Variants in SOD2 observed in about 807,000 individuals in gnomAD.
SOD2 encodes the protein superoxide dismutase [Mn], mitochondrial.
In SOD2, 11 loss-of-function variants were observed where a neutral mutation model predicts 27.0. The ratio of observed to expected loss-of-function variants is 0.41; its 90% CI spans 0.26 to 0.67. The LOEUF (loss-of-function observed/expected upper bound fraction) is 0.67. SOD2 is among the 30% of genes least tolerant of loss of function. The probability of loss-of-function intolerance (pLI) is 0.34; values close to 1 mark genes in which losing one functional copy is unlikely to be tolerated. For missense variants in SOD2, 250 were observed against 274.5 expected (o/e 0.91, Z 0.63); for synonymous variants, 105 against 103.0 (o/e 1.02, Z -0.12).
At chr6:159,713,522 A>G (rs1172633302) in intron 1 of SOD2, 9 of 690,472 alleles carry the variant, frequency 1.3e-5, no homozygotes, top group East Asian at 5.0e-5. Flanking sequence ...TGCGAAGCCA[A>G]CTGCACAAAG....
intron 4 of SOD2, among the ~76,000 whole-genome samples, chr6:159,683,663 C>T (rs547688804): frequency 2.7e-4 from 41 of 152,162 alleles, no homozygotes; most frequent in Non-Finnish European, 5.4e-4. Context: ...CATTTTCCTT[C>T]TAATGTGCTT....
intron 1 of SOD2, among the ~76,000 whole-genome samples, chr6:159,707,807 A>C (rs1241338562): frequency 1.3e-5 from 2 of 152,176 alleles, no homozygotes; most frequent in African/African-American, 4.8e-5. Flanking sequence ...TGGCAGAGAC[A>C]CAACAAAAAA....
At chr6:159,695,368 G>T (rs1777402968), upstream of SOD2, among the ~76,000 whole-genome samples, 1 of 152,186 alleles carries the variant, frequency 6.6e-6, no homozygotes, top group African/African-American at 2.4e-5. Context: ...ACTGATAGCA[G>T]CAGTCAGGTA....
chr6:159,726,653 C>A, intron 1 of SOD2: 1 of 671,268 alleles, frequency 1.5e-6, no homozygotes, highest in Non-Finnish European at 2.2e-6. Flanking sequence ...CACTAAACCT[C>A]ACAGGGCCGC....
intron 1 of SOD2, among the ~76,000 whole-genome samples, chr6:159,740,976 A>G (rs1779223845): frequency 6.6e-6 from 1 of 152,200 alleles, no homozygotes; most frequent in South Asian, 2.1e-4. Context: ...TGCTGGGATT[A>G]CAGGCACGAG....
chr6:159,747,896 T>A (rs1027476419), upstream of SOD2, among the ~76,000 whole-genome samples: 3 of 119,840 alleles, frequency 2.5e-5, no homozygotes, highest in African/African-American at 9.0e-5. Context: ...CCTTAAATAG[T>A]TATTTTTTTA....
intron 1 of SOD2, among the ~76,000 whole-genome samples, chr6:159,714,569 C>A (rs151328143): frequency 1.3e-5 from 2 of 152,304 alleles, no homozygotes; most frequent in East Asian, 3.9e-4. Context: ...CATCGCCAGG[C>A]GGTACTCTTT....
upstream of SOD2, among the ~76,000 whole-genome samples, chr6:159,693,717 C>A (rs1033607260): frequency 2.6e-5 from 4 of 152,350 alleles, no homozygotes; most frequent in South Asian, 6.2e-4. Context: ...CCAGGGCCCC[C>A]GTGGCCGTTC....
rs996125245 is a variant in SOD2 at position 159,692,750 on chromosome 6, A to G, written c.137T>C (p.Ile46Thr). 1 of 1,614,082 alleles carries G rather than the reference A, an allele frequency of 6.2e-7. No individual in the cohort carries two copies. Reference protein sequence around the residue: ...GALEPHINAQIMQLHHSKHHA... With the variant: ...GALEPHINAQTMQLHHSKHHA... ...GTGCTTGCTGTGGTGCAGCTGCATG[A>G]TCTGCGCGTTGATGTGAGGTTCCAG... is the stretch of plus-strand genomic sequence containing the variant. The change falls in exon 2 of 5, where the codon ATC (isoleucine) becomes ACC (threonine). Residue 46 changes from isoleucine to threonine, a missense_variant. Coordinates refer to ENST00000538183, the MANE Select transcript of SOD2 (RefSeq NM_000636.4).
upstream of SOD2, among the ~76,000 whole-genome samples, chr6:159,693,611 A>C (rs554149062): frequency 6.6e-6 from 1 of 152,142 alleles, no homozygotes; most frequent in African/African-American, 2.4e-5. Context: ...ATCTGGCTGC[A>C]CTAGGCGGCT....
chr6:159,733,501 A>G (rs1165894103), intron 1 of SOD2, among the ~76,000 whole-genome samples: 1 of 152,172 alleles, frequency 6.6e-6, no homozygotes, highest in Non-Finnish European at 1.5e-5. Flanking sequence ...ACATGCCTGT[A>G]GTCCCAGGTA....
At chr6:159,755,765 CTTTTTTTTTTTTTTTT>C in intron 1 of SOD2, 5 of 171,464 alleles carry the variant, frequency 2.9e-5, no homozygotes, top group Non-Finnish European at 1.4e-5. Context: ...TTTTTCTTTT[CTTTTTTTTTTTTTTTT>C]TTTTTTTTTG....
intron 2 of SOD2, among the ~76,000 whole-genome samples, chr6:159,689,445 AAT>A (rs983796217): frequency 9.9e-5 from 15 of 152,226 alleles, no homozygotes; most frequent in Admixed American, 3.3e-4. Context: ...GGCAAAATAA[AAT>A]AGTCTTTTCT....
Position 159,673,912 on chromosome 6 carries a change from G to A in SOD2, c.*8581C>T, listed in dbSNP as rs1256253997. The A allele has an allele frequency of 1.3e-5, 2 of 152,046 alleles. No homozygotes were observed. Among genetic ancestry groups the A allele is most frequent in the African/African-American group, 4.8e-5 (2 of 41,390 alleles). 9.4% of individuals were successfully genotyped at this position (152,046 alleles called of 1,614,324 possible). A position where few individuals can be genotyped will look rare whatever the true frequency, so the allele number is the denominator to read the frequency against. On this transcript the variant is annotated 3_prime_UTR_variant, in exon 5 of 5. Transcript: ENST00000538183. ...TAAATGCAATAAAAAATGATAAAGTGGATATCACCACCAATCCCACAGAAA... is the reference window on the plus strand; with the variant it reads ...TAAATGCAATAAAAAATGATAAAGTAGATATCACCACCAATCCCACAGAAA...
At chr6:159,710,991 CACA>C in intron 1 of SOD2, among the ~76,000 whole-genome samples, 1 of 113,396 alleles carries the variant, frequency 8.8e-6, no homozygotes, top group Non-Finnish European at 2.0e-5. Flanking sequence ...AACCACCACT[CACA>C]CTGCTCTGAC....
Position 159,692,742 on chromosome 6 carries a change from G to A in SOD2, c.145C>T (p.Leu49=), listed in dbSNP as rs774968268. Reference sequence around the variant, plus strand: ...GCCGCGTGGTGCTTGCTGTGGTGCAGCTGCATGATCTGCGCGTTGATGTGA... The same window carrying A: ...GCCGCGTGGTGCTTGCTGTGGTGCAACTGCATGATCTGCGCGTTGATGTGA... ...EPHINAQIMQ[L]HHSKHHAAYV... Residue 49 remains leucine, a synonymous_variant, in exon 2 of 5, where the codon CTG becomes TTG. Coordinates refer to ENST00000538183, the MANE Select transcript of SOD2 (RefSeq NM_000636.4). The A allele has an allele frequency of 6.2e-7, 1 of 1,614,076 alleles. No homozygotes were observed. Among genetic ancestry groups the A allele is most frequent in the African/African-American group, 1.3e-5 (1 of 74,940 alleles).
chr6:159,730,257 A>G (rs115835548), upstream of SOD2, among the ~76,000 whole-genome samples: 916 of 152,346 alleles, frequency 6.0e-3, 9 homozygotes, highest in African/African-American at 0.021. Flanking sequence ...TGTGTGATTC[A>G]TAAGAACTGA....
At chr6:159,748,185 G>A, upstream of SOD2, 2 of 1,613,236 alleles carry the variant, frequency 1.2e-6, no homozygotes, top group Non-Finnish European at 1.7e-6. The surrounding 1 kb of genome is among the most constrained non-coding windows in gnomAD (Gnocchi z 5.6). Flanking sequence ...CTTTTGCTTT[G>A]CACAGACTCA....
intron 1 of SOD2, among the ~76,000 whole-genome samples, chr6:159,734,571 G>T (rs543108394): frequency 6.6e-6 from 1 of 152,260 alleles, no homozygotes; most frequent in South Asian, 2.1e-4. Context: ...AGCTACTTGG[G>T]AGGCTGAGAT....
Sources: gnomAD v4.1 joint callset for allele counts (sites outside exome capture counted in the v4.1 genomes callset) on GRCh38, gnomAD v4.1.1 for gene constraint, Gnocchi (gnomAD v3.1) non-coding constraint, MANE v1.5 for transcripts, NCBI Gene and HGNC (gene_info 2026-07-23, HGNC 2026-07-21) for gene names.